PCDH15: variants seen among roughly 807,000 people sequenced by gnomAD.
The protein encoded by PCDH15 is protocadherin related 15, also known as protocadherin-15.
In PCDH15, 129 loss-of-function variants were observed where a neutral mutation model predicts 178.5. The ratio of observed to expected loss-of-function variants is 0.72; its 90% CI spans 0.63 to 0.84. The LOEUF (loss-of-function observed/expected upper bound fraction) is 0.84. Among genes scored for constraint, PCDH15 ranks in the 40% least tolerant of loss-of-function variants. The probability of loss-of-function intolerance (pLI) is 0.00; values close to 1 mark genes in which losing one functional copy is unlikely to be tolerated. For synonymous variants in PCDH15, 800 were observed against 732.0 expected, an observed-to-expected ratio of 1.09 and a Z score of -1.50; for missense variants, 2,230 against 2,099.9, an observed-to-expected ratio of 1.06 and a Z score of -1.21.
At chr10:54,775,195 T>G (rs1011473616) in intron 1 of PCDH15, among the ~76,000 whole-genome samples, 2 of 152,196 alleles carry the variant, frequency 1.3e-5, no homozygotes, top group Non-Finnish European at 2.9e-5. Context: ...GGGAAAATCT[T>G]AAGTTGAAGA....
At chr10:55,324,840 A>C (rs2132303457) in intron 2 of PCDH15, among the ~76,000 whole-genome samples, 1 of 152,306 alleles carries the variant, frequency 6.6e-6, no homozygotes, top group East Asian at 1.9e-4. Context: ...TCTACCCAAA[A>C]GCTTCTTGAG....
At chr10:54,840,193 T>A (rs1156743076) in intron 3 of PCDH15, among the ~76,000 whole-genome samples, 6 of 152,052 alleles carry the variant, frequency 3.9e-5, no homozygotes. Context: ...TGAATCAGTT[T>A]TACCTCTAGT....
At chr10:55,115,038 A>C (rs1837596851) in intron 2 of PCDH15, among the ~76,000 whole-genome samples, 1 of 152,204 alleles carries the variant, frequency 6.6e-6, no homozygotes, top group Non-Finnish European at 1.5e-5. Context: ...TCATTTTATA[A>C]TGCTTGGTTG....
chr10:54,694,153 TTATAA>T (rs1591097649), intron 1 of PCDH15, among the ~76,000 whole-genome samples: 1 of 152,136 alleles, frequency 6.6e-6, no homozygotes, highest in East Asian at 1.9e-4. Flanking sequence ...GTTAATACGA[TTATAA>T]TATAATTTGA....
chr10:54,213,862 C>T (rs1313815770), intron 10 of PCDH15, 74 bp downstream of exon 10: 4 of 967,712 alleles, frequency 4.1e-6, no homozygotes, highest in Non-Finnish European at 6.6e-6. Context: ...ATAAAACTGC[C>T]TACAGTAGCG....
At chr10:53,864,906 C>T (rs528981520) in intron 27 of PCDH15, among the ~76,000 whole-genome samples, 12 of 151,882 alleles carry the variant, frequency 7.9e-5, no homozygotes, top group Non-Finnish European at 1.8e-4. Context: ...TTCAAAACAC[C>T]AACGACATGG....
At chr10:55,344,622 G>A (rs1016771336) in intron 2 of PCDH15, among the ~76,000 whole-genome samples, 1 of 152,082 alleles carries the variant, frequency 6.6e-6, no homozygotes, top group Non-Finnish European at 1.5e-5. Flanking sequence ...AGGTGGGAAA[G>A]ACTTGACAGA....
intron 2 of PCDH15, among the ~76,000 whole-genome samples, chr10:54,630,004 A>C (rs2093658873): frequency 6.6e-6 from 1 of 152,126 alleles, no homozygotes; most frequent in African/African-American, 2.4e-5. Context: ...GCCACAAAAA[A>C]AATTAAGTAG....
intron 9 of PCDH15, among the ~76,000 whole-genome samples, chr10:54,221,710 C>T (rs557693389): frequency 7.9e-5 from 12 of 151,872 alleles, no homozygotes; most frequent in African/African-American, 2.9e-4. Flanking sequence ...TGAAGCAATT[C>T]TCCCGCCTCA....
At chr10:54,011,855 G>A (rs1488119847) in intron 20 of PCDH15, among the ~76,000 whole-genome samples, 1 of 152,134 alleles carries the variant, frequency 6.6e-6, no homozygotes, top group African/African-American at 2.4e-5. Context: ...ACCAGTGCAA[G>A]AACTTTGGCA....
At chr10:53,949,893 T>C (rs191444633) in intron 23 of PCDH15, among the ~76,000 whole-genome samples, 4 of 152,354 alleles carry the variant, frequency 2.6e-5, no homozygotes, top group South Asian at 2.1e-4. Context: ...TTATAAATTA[T>C]ACTTTTTCTG....
At chr10:54,889,417 C>T (rs555005788) in intron 3 of PCDH15, among the ~76,000 whole-genome samples, 29 of 150,814 alleles carry the variant, frequency 1.9e-4, no homozygotes, top group South Asian at 1.0e-3. Flanking sequence ...CCCAAACACG[C>T]GCACAGAACA....
At chr10:55,043,236 T>G (rs1401254085) in intron 2 of PCDH15, among the ~76,000 whole-genome samples, 2 of 152,128 alleles carry the variant, frequency 1.3e-5, no homozygotes, top group Non-Finnish European at 2.9e-5. Context: ...CAATTCCTAC[T>G]GTTTCTTTAC....
intron 1 of PCDH15, among the ~76,000 whole-genome samples, chr10:55,204,918 A>G (rs1325672175): frequency 6.6e-6 from 1 of 152,088 alleles, no homozygotes; most frequent in Non-Finnish European, 1.5e-5. Context: ...TTTTCAAATA[A>G]CAATGCTTGG....
chr10:55,109,113 A>T (rs1837430747), intron 2 of PCDH15, among the ~76,000 whole-genome samples: 1 of 152,196 alleles, frequency 6.6e-6, no homozygotes, highest in South Asian at 2.1e-4. Flanking sequence ...ACCCAACTTT[A>T]TGCCCAGTGA....
chr10:54,570,025 C>A (rs2089581350), intron 2 of PCDH15, among the ~76,000 whole-genome samples: 1 of 136,374 alleles, frequency 7.3e-6, no homozygotes, highest in African/African-American at 2.8e-5. Context: ...ACTCTCTTTG[C>A]CAATACAATT....
At chr10:55,277,574 T>C (rs1282144635) in intron 1 of PCDH15, among the ~76,000 whole-genome samples, 1 of 152,124 alleles carries the variant, frequency 6.6e-6, no homozygotes, top group Non-Finnish European at 1.5e-5. Flanking sequence ...CCTGCTTTCC[T>C]GGAAGCATAC....
rs147020179 is a variant in PCDH15 at position 54,392,240 on chromosome 10, G to A, written c.158-13298C>T. On this transcript the variant is annotated intron_variant, in intron 3 of 37. Coordinates refer to ENST00000644397, the MANE Select transcript of PCDH15 (RefSeq NM_001384140.1). ...AACACTTTGGGAGGCTGAGGCAGGT[G>A]GATCTCCTGAGGCCAGGAGTTCAAG... Among the ~76,000 whole-genome samples, 44 of 151,864 alleles carry A rather than the reference G, an allele frequency of 2.9e-4. 1 individual carries two copies. Among genetic ancestry groups the A allele is most frequent in the African/African-American group, 9.4e-4 (39 of 41,442 alleles).
intron 2 of PCDH15, among the ~76,000 whole-genome samples, chr10:54,622,684 T>TATATATTATATATAATATATAA (rs1565777524): frequency 2.0e-3 from 44 of 22,326 alleles, no homozygotes; most frequent in Non-Finnish European, 2.9e-3. Context: ...ATAATATATA[T>TATATATTATATATAATATATAA]TATATAATAT....
Sources: gnomAD v4.1 joint callset for allele counts (sites outside exome capture counted in the v4.1 genomes callset) on GRCh38, gnomAD v4.1.1 for gene constraint, MANE v1.5 for transcripts, NCBI Gene and HGNC (gene_info 2026-07-23, HGNC 2026-07-21) for gene names.